The following BDP1 variants were observed in gnomAD, a reference collection of about 807,000 sequenced individuals.
The protein encoded by BDP1 is transcription factor TFIIIB component B'' homolog.
A neutral mutation model predicts 266.6 loss-of-function variants in BDP1; 169 were observed. That is an observed-to-expected ratio of 0.63 (90% CI 0.56 to 0.72). The LOEUF (loss-of-function observed/expected upper bound fraction) is 0.72, where lower values mean the gene tolerates loss of function less well. Ranked by LOEUF, BDP1 falls within the 30% of genes least tolerant of loss-of-function variation. The pLI is 0.00. For synonymous variants in BDP1, 1,090 were observed against 1,022.4 expected (o/e 1.07, Z -1.26); for missense variants, 3,015 against 3,053.8 (o/e 0.99, Z 0.30).
intron 38 of BDP1, among the ~76,000 whole-genome samples, chr5:71,563,631 A>G (rs1034856129): frequency 4.6e-5 from 7 of 152,062 alleles, no homozygotes; most frequent in African/African-American, 1.7e-4. Context: ...TACTCTTCCC[A>G]GCTGGGTGCG....
At position 71,553,313 on chromosome 5, in the gene BDP1, C is replaced by G. The variant is rs372768593; in HGVS notation, c.7193C>G (p.Thr2398Ser). 52 of 1,611,160 alleles carry G rather than the reference C, an allele frequency of 3.2e-5. No individual in the cohort carries two copies. The highest frequency in any genetic ancestry group is 4.3e-5 in the Non-Finnish European group (51 of 1,179,064). ...LTLRDDCQEY[T>S]TEVHSKELTN... The stretch of plus-strand genomic sequence containing the variant: ...TTAAGAGATGACTGTCAAGAATATA[C>G]CACTGAGGTAAGTGGTATATTAAGT... Residue 2398 changes from threonine (T) to serine (S), a missense_variant, in exon 35 of 39, where the codon ACC (threonine) becomes AGC (serine). This residue lies in a region of BDP1 where 629 missense variants were observed against 632.5 expected (regional missense o/e 0.99). Coordinates refer to ENST00000358731, the MANE Select transcript of BDP1 (RefSeq NM_018429.3).
chr5:71,510,518 C>CA lies in BDP1; in HGVS notation c.3429dup (p.Asp1144ArgfsTer25). 6.2e-7 allele frequency: 1 copy of CA among 1,612,742 alleles called. No homozygotes were observed. Among genetic ancestry groups the CA allele is most frequent in the Non-Finnish European group, 8.5e-7 (1 of 1,179,810 alleles). The stretch of plus-strand genomic sequence containing the variant: ...TGATTGATGCCACTGAGGAAATAGA[C>CA]AAAGATCTGGAAGAAACTGGAAGAA... On this transcript the variant is annotated frameshift_variant, in exon 17 of 39. Coordinates refer to ENST00000358731, the MANE Select transcript of BDP1 (RefSeq NM_018429.3). LOFTEE classifies it high-confidence loss of function.
At chr5:71,474,788 A>G (rs1368700444) in intron 7 of BDP1, among the ~76,000 whole-genome samples, 1 of 151,478 alleles carries the variant, frequency 6.6e-6, no homozygotes, top group East Asian at 2.0e-4. Context: ...GAGAGGTTGC[A>G]GTGAACCGAA....
At chr5:71,537,673 CCGTTTTT>C in intron 26 of BDP1, 1 of 166,028 alleles carries the variant, frequency 6.0e-6, no homozygotes, top group South Asian at 2.0e-4. Context: ...CCTTTGTTCC[CCGTTTTT>C]CTCTTGTTTG....
At chr5:71,532,836 A>G (rs1289868691) in intron 26 of BDP1, among the ~76,000 whole-genome samples, 3 of 152,328 alleles carry the variant, frequency 2.0e-5, no homozygotes, top group African/African-American at 4.8e-5. Context: ...AAAGTGCACA[A>G]TTAAGTGACT....
intron 28 of BDP1, among the ~76,000 whole-genome samples, chr5:71,539,925 G>A (rs1766859124): frequency 6.6e-6 from 1 of 151,824 alleles, no homozygotes; most frequent in South Asian, 2.1e-4. Context: ...GCATGGTAAA[G>A]GTAGTGAATA....
chr5:71,526,352 C>A (rs1765874270), intron 25 of BDP1, among the ~76,000 whole-genome samples: 1 of 150,834 alleles, frequency 6.6e-6, no homozygotes, highest in African/African-American at 2.4e-5. Flanking sequence ...CATGGTGGCT[C>A]ACGCCTATAA....
intron 26 of BDP1, among the ~76,000 whole-genome samples, chr5:71,535,380 T>C (rs1011982686): frequency 1.2e-4 from 19 of 152,134 alleles, no homozygotes; most frequent in Non-Finnish European, 2.1e-4. Flanking sequence ...AATTTTTGTA[T>C]TTTTAGTAGA....
rs777761869 is a variant in BDP1, at chr5:71,470,380, C to G, written c.920-15C>G. ...TAATTAATTTTCAATCATTCTAAAT[C>G]TTTTATTTTCACAGAAACAGATATG... On this transcript the variant is annotated splice_polypyrimidine_tract_variant and intron_variant, in intron 6 of 38. Coordinates refer to ENST00000358731, the MANE Select transcript of BDP1 (RefSeq NM_018429.3). The G allele has an allele frequency of 1.4e-5, 21 of 1,529,622 alleles. No individual in the cohort carries two copies. Among genetic ancestry groups the G allele is most frequent in the Non-Finnish European group, 1.9e-5 (21 of 1,111,316 alleles). The allele number at this position is 1,529,622 out of a possible 1,614,324, so 94.8% of individuals were successfully genotyped here.
In BDP1 at chr5:71,504,242, C is replaced by T. The variant is rs1178697925; in HGVS notation, c.2242-379C>T. On this transcript the variant is annotated intron_variant, in intron 15 of 38. Transcript: ENST00000358731. ...GAGCCGAGATCATACCACTGCACTC[C>T]AGCCTGGGCGACCGAGCAAGACTCC... Among the ~76,000 whole-genome samples, 13 of 144,596 alleles carry T rather than the reference C, an allele frequency of 9.0e-5. No homozygotes were observed. The South Asian group carries it at 2.6e-3, about 29-fold the overall frequency. The allele number at this position is 144,596 out of a possible 152,430, so 94.9% of individuals were successfully genotyped here.
chr5:71,490,866 GA>G, intron 10 of BDP1, 117 bp from the exon 11 acceptor site: 5 of 984,066 alleles, frequency 5.1e-6, no homozygotes, highest in Non-Finnish European at 7.1e-6. Context: ...TGCAAATAGG[GA>G]CTTGAATGTT....
chr5:71,512,421 A>G lies in BDP1; in HGVS notation c.4240A>G (p.Asn1414Asp). The G allele has an allele frequency of 1.3e-6, 2 of 1,533,790 alleles. No individual in the cohort carries two copies. The highest frequency in any genetic ancestry group is 1.3e-5 in the South Asian group (1 of 76,322). ...TGTTCCAGAGCAGTTTTCAGATATT[A>G]ATTTAAGGTACAAGTGTGTTTTTAA... Reference protein sequence around the residue: ...PDVPEQFSDINLSKSLPQEQK... With the variant: ...PDVPEQFSDIDLSKSLPQEQK... Residue 1414 changes from asparagine (N) to aspartate (D), a missense_variant, in exon 18 of 39, where the codon AAT (asparagine) becomes GAT (aspartate). Transcript: ENST00000358731.
At chr5:71,504,532 A>G in intron 15 of BDP1, 89 bp from the exon 16 acceptor site, 1 of 1,207,256 alleles carries the variant, frequency 8.3e-7, no homozygotes, top group Admixed American at 2.4e-5. Context: ...ATTTTTTACC[A>G]TTTTATACTT....
At chr5:71,487,296 C>T (rs1763317669) in intron 9 of BDP1, among the ~76,000 whole-genome samples, 1 of 152,062 alleles carries the variant, frequency 6.6e-6, no homozygotes, top group Admixed American at 6.6e-5. Flanking sequence ...GGCTGGAGTG[C>T]AGTGGCACGA....
chr5:71,469,564 T>C (rs1040233791), intron 6 of BDP1, among the ~76,000 whole-genome samples: 1 of 152,154 alleles, frequency 6.6e-6, no homozygotes, highest in Non-Finnish European at 1.5e-5. Flanking sequence ...TAAGATCAGC[T>C]AGGCAGAATG....
Position 71,471,330 on chromosome 5 carries a change from G to A in BDP1, c.1014+841G>A, listed in dbSNP as rs531220307. Among the ~76,000 whole-genome samples the A allele has an allele frequency of 2.6e-5, 4 of 151,938 alleles. No individual in the cohort carries two copies. The South Asian group carries it at 8.3e-4, about 32-fold the overall frequency. On this transcript the variant is annotated intron_variant, in intron 7 of 38. Transcript: ENST00000358731. ...GCTAATTTTTTATTTTTCGTAGAGA[G>A]GGGGTTTTACCATGTTCGTCAGCCT...
At chr5:71,527,808 A>G (rs1165717524) in intron 25 of BDP1, among the ~76,000 whole-genome samples, 3 of 150,830 alleles carry the variant, frequency 2.0e-5, no homozygotes, top group Non-Finnish European at 4.4e-5. Context: ...TCGTATGGTA[A>G]TTCTTTTAAT....
chr5:71,497,132 C>G (rs934236016), intron 12 of BDP1, 138 bp from the exon 13 acceptor site: 4 of 643,960 alleles, frequency 6.2e-6, no homozygotes, highest in African/African-American at 1.8e-5. Flanking sequence ...ACAAGTTAGT[C>G]TCTTTAAGTT....
rs977082632 is a variant in BDP1 at position 71,466,218 on chromosome 5, A to T, written c.782A>T (p.Glu261Val). 6.2e-7 allele frequency: 1 copy of T among 1,613,944 alleles called. No homozygotes were observed. The highest frequency in any genetic ancestry group is 8.5e-7 in the Non-Finnish European group (1 of 1,179,960). The change falls in exon 5 of 39, where the codon GAA becomes GTA. Residue 261 changes from glutamate (E) to valine (V), a missense_variant. Coordinates refer to ENST00000358731, the MANE Select transcript of BDP1 (RefSeq NM_018429.3). Reference sequence around the variant, plus strand: ...GATGGTTCCATTATTTTGGATGAAGAAAGGTATTTAGAAAAGAGAAAAAGT... The same window carrying T: ...GATGGTTCCATTATTTTGGATGAAGTAAGGTATTTAGAAAAGAGAAAAAGT... ...AEDGSIILDE[E>V]SLTVEVLRTK...
Sources: gnomAD v4.1 joint callset for allele counts (sites outside exome capture counted in the v4.1 genomes callset) on GRCh38, gnomAD v4.1.1 for gene constraint, gnomAD v4.1.1 regional missense constraint, MANE v1.5 for transcripts, NCBI Gene and HGNC (gene_info 2026-07-23, HGNC 2026-07-21) for gene names.